Variants in HRURF observed in about 807,000 individuals in gnomAD.
HRURF encodes the protein HR upstream open reading frame.
chr8:22,130,538 C>G (rs917462642), downstream of HRURF: 20 of 152,252 alleles, frequency 1.3e-4, no homozygotes, highest in African/African-American at 4.6e-4. Context: ...CGGGCGAGGA[C>G]GCGTTCTCCC....
At chr8:22,130,495 C>T (rs1167257135), downstream of HRURF, 2 of 152,176 alleles carry the variant, frequency 1.3e-5, no homozygotes, top group African/African-American at 4.8e-5. Context: ...GGCGCCTGCT[C>T]CCCATGGGCC....
At chr8:22,130,650 C>A (rs1827028210) in exon 1 of HRURF, 1 of 152,232 alleles carries the variant, frequency 6.6e-6, no homozygotes, top group South Asian at 2.1e-4. Flanking sequence ...CTGCAGGATG[C>A]GGCACACGGC....
upstream of HRURF, chr8:22,130,789 C>T (rs1827032465): frequency 6.6e-6 from 1 of 151,908 alleles, no homozygotes; most frequent in African/African-American, 2.4e-5. Context: ...GGAGAGAAGG[C>T]GCCGGGCCGG....
chr8:22,130,483 C>G (rs1035120330), downstream of HRURF: 1 of 152,198 alleles, frequency 6.6e-6, no homozygotes, highest in Non-Finnish European at 1.5e-5. Flanking sequence ...TGGCCGGCAC[C>G]GGGCGCCTGC....
upstream of HRURF, chr8:22,130,863 G>C (rs1395410120): frequency 3.3e-5 from 5 of 152,338 alleles, no homozygotes; most frequent in Non-Finnish European, 7.3e-5. Context: ...GCCGGGGAAG[G>C]GGGTCGTGCC....
chr8:22,130,844 G>A (rs1329532937), upstream of HRURF: 5 of 152,356 alleles, frequency 3.3e-5, no homozygotes, highest in African/African-American at 1.2e-4. Flanking sequence ...TTGGGGGAAA[G>A]GCCGAGGGGC....
At chr8:22,130,553 T>A (rs1827025613), downstream of HRURF, 1 of 152,282 alleles carries the variant, frequency 6.6e-6, no homozygotes, top group Non-Finnish European at 1.5e-5. Context: ...TCTCCCGCTC[T>A]GTCTGCTCAG....
At chr8:22,130,842 AAGGCCG>A (rs1827034316), upstream of HRURF, 1 of 152,210 alleles carries the variant, frequency 6.6e-6, no homozygotes. Context: ...AGTTGGGGGA[AAGGCCG>A]AGGGGCCGGG....
chr8:22,130,974 A>C (rs560645113), upstream of HRURF: 1 of 151,052 alleles, frequency 6.6e-6, no homozygotes, highest in Non-Finnish European at 1.5e-5. Context: ...CGGAGAGCGC[A>C]GCAGGACCTC....
upstream of HRURF, chr8:22,130,771 C>A (rs2131772425): frequency 6.6e-6 from 1 of 152,070 alleles, no homozygotes; most frequent in South Asian, 2.1e-4. Context: ...GAGCGGGTGC[C>A]CCCGGAGGGA....
At chr8:22,130,834 T>A (rs986677724), upstream of HRURF, 1 of 150,758 alleles carries the variant, frequency 6.6e-6, no homozygotes, top group East Asian at 2.0e-4. Context: ...GATGGCCGAG[T>A]TGGGGGAAAG....
chr8:22,130,756 C>G (rs556369263), upstream of HRURF: 1 of 152,250 alleles, frequency 6.6e-6, no homozygotes, highest in East Asian at 1.9e-4. Flanking sequence ...CGGGCCGGGG[C>G]TAGGGAGCGG....
At chr8:22,130,469 GT>G (rs1827022145), downstream of HRURF, 1 of 152,198 alleles carries the variant, frequency 6.6e-6, no homozygotes. Context: ...GGTGGCGGTC[GT>G]CGTGGCCGGC....
upstream of HRURF, chr8:22,130,896 G>A (rs1417382367): frequency 6.6e-6 from 1 of 152,198 alleles, no homozygotes; most frequent in Non-Finnish European, 1.5e-5. Flanking sequence ...GCCGATCCTG[G>A]GACCCAGGAG....
At chr8:22,130,464 CGG>C (rs1827021653), downstream of HRURF, 1 of 152,208 alleles carries the variant, frequency 6.6e-6, no homozygotes. Context: ...CGGGCGGTGG[CGG>C]TCGTCGTGGC....
chr8:22,130,814 C>T (rs948925138), upstream of HRURF: 1 of 152,222 alleles, frequency 6.6e-6, no homozygotes, highest in Non-Finnish European at 1.5e-5. Flanking sequence ...AACACGCGCC[C>T]CGGGTCGGAG....
At chr8:22,130,916 G>C (rs1490215958), upstream of HRURF, 1 of 152,262 alleles carries the variant, frequency 6.6e-6, no homozygotes, top group African/African-American at 2.4e-5. Context: ...GAGAGGCACC[G>C]GCGAGGGCGC....
chr8:22,130,477 C>CAT (rs1827022487), downstream of HRURF: 1 of 152,176 alleles, frequency 6.6e-6, no homozygotes. Flanking sequence ...TCGTCGTGGC[C>CAT]GGCACCGGGC....
chr8:22,130,809 G>C (rs1170820563), upstream of HRURF: 3 of 152,220 alleles, frequency 2.0e-5, no homozygotes, highest in Non-Finnish European at 2.9e-5. Flanking sequence ...GGGGGAACAC[G>C]CGCCCCGGGT....
Sources: gnomAD v4.1 joint callset for allele counts on GRCh38, gnomAD v4.1.1 for gene constraint, MANE v1.5 for transcripts, NCBI Gene and HGNC (gene_info 2026-07-23, HGNC 2026-07-21) for gene names.